Variants in DCAKD observed in about 807,000 individuals in gnomAD.
DCAKD encodes dephospho-CoA kinase domain-containing protein.
In DCAKD, 15 loss-of-function variants were observed where a neutral mutation model predicts 18.7. The ratio of observed to expected loss-of-function variants is 0.80; its 90% CI spans 0.54 to 1.24. The LOEUF (loss-of-function observed/expected upper bound fraction) is 1.24. Ranked by LOEUF, DCAKD falls within the 50% of genes most tolerant of loss-of-function variation. The probability of loss-of-function intolerance (pLI) is 0.00; values close to 1 mark genes in which losing one functional copy is unlikely to be tolerated. For synonymous variants in DCAKD, 130 were observed against 133.0 expected (o/e 0.98, Z 0.16); for missense variants, 301 against 322.0 (o/e 0.93, Z 0.50).
chr17:45,053,935 TC>T (rs1480410172), upstream of DCAKD, among the ~76,000 whole-genome samples: 1 of 152,170 alleles, frequency 6.6e-6, no homozygotes, highest in Non-Finnish European at 1.5e-5. Flanking sequence ...ATTCTCTACT[TC>T]CTTTAAGGTA....
intron 1 of DCAKD, among the ~76,000 whole-genome samples, chr17:45,058,652 C>G (rs999622405): frequency 9.9e-5 from 15 of 150,930 alleles, no homozygotes; most frequent in Admixed American, 7.3e-4. Flanking sequence ...GAACTCCTGA[C>G]CTCAGGTGAT....
At position 45,034,829 on chromosome 17, in the gene DCAKD, C is replaced by G. The variant is rs1405568859; in HGVS notation, c.57G>C (p.Gln19His). 3 of 1,614,234 alleles carry G rather than the reference C, an allele frequency of 1.9e-6. No individual in the cohort carries two copies. Among genetic ancestry groups the G allele is most frequent in the Non-Finnish European group, 2.5e-6 (3 of 1,180,048 alleles). ...GIASGKSSVI[Q>H]VFQQLGCAVI... ...CCGCACAGCCCAGCTGCTGGAACAC[C>G]TGGATCACTGAGCTCTTGCCTGAGG... Residue 19 changes from glutamine (Q) to histidine (H), a missense_variant, in exon 2 of 5, where the codon CAG becomes CAC. Physicochemically the swap from Gln to His is conservative, Grantham distance 24. Transcript: ENST00000651974.
At chr17:45,043,940 C>T (rs4793180) in intron 1 of DCAKD, among the ~76,000 whole-genome samples, 29,112 of 152,022 alleles carry the variant, frequency 0.19, 3,060 homozygotes, top group East Asian at 0.27. Flanking sequence ...AAGGAGCCCC[C>T]GGTGCATGAG....
chr17:45,038,863 G>A (rs1345181131), intron 1 of DCAKD, among the ~76,000 whole-genome samples: 1 of 152,194 alleles, frequency 6.6e-6, no homozygotes, highest in Non-Finnish European at 1.5e-5. Context: ...AGCTGTTCCT[G>A]TCCAACAAGC....
intron 3 of DCAKD, chr17:45,031,582 C>T (rs1208926188): frequency 3.0e-6 from 3 of 985,230 alleles, no homozygotes; most frequent in Admixed American, 6.2e-5. Context: ...CAGTGTGGTG[C>T]GCCTCCCTAA....
intron 1 of DCAKD, among the ~76,000 whole-genome samples, chr17:45,049,361 G>A (rs1205120522): frequency 2.6e-5 from 4 of 152,042 alleles, no homozygotes; most frequent in African/African-American, 9.7e-5. Context: ...AGCTCAGCAG[G>A]TCAAGGGTGC....
intron 3 of DCAKD, 81 bp from the exon 4 acceptor site, chr17:45,030,260 C>T: frequency 2.3e-6 from 3 of 1,313,176 alleles, no homozygotes; most frequent in Non-Finnish European, 3.3e-6. Context: ...CCCCACCGTC[C>T]AGAGCGCCCA....
In DCAKD at chr17:45,026,147, G is replaced by A. The variant is rs564723351; in HGVS notation, c.405-1423C>T. ...TTGGCCAGGCTGGTCTTGAACTCCT[G>A]ACCTCAGGTGATCCACCCGCCTTGG... On this transcript the variant is annotated intron_variant, in intron 4 of 4. Coordinates refer to ENST00000651974, the MANE Select transcript of DCAKD (RefSeq NM_001288655.2). 3.6e-3 allele frequency among the ~76,000 whole-genome samples: 549 copies of A among 151,674 alleles called. 3 individuals are homozygous for A. The highest frequency in any genetic ancestry group is 0.013 in the African/African-American group (533 of 41,348).
intron 4 of DCAKD, among the ~76,000 whole-genome samples, chr17:45,028,858 C>T (rs1156598678): frequency 2.6e-5 from 4 of 151,864 alleles, no homozygotes; most frequent in East Asian, 3.9e-4. Flanking sequence ...GTGCCCGCCA[C>T]AACACCGGGC....
chr17:45,031,564 G>A (rs1488636208), intron 3 of DCAKD: 1 of 985,272 alleles, frequency 1.0e-6, no homozygotes, highest in Admixed American at 6.2e-5. Context: ...GTTGCAGGGG[G>A]AGGCCAACAG....
intron 1 of DCAKD, among the ~76,000 whole-genome samples, chr17:45,047,693 C>T (rs919066025): frequency 1.3e-5 from 2 of 151,958 alleles, no homozygotes; most frequent in Non-Finnish European, 2.9e-5. Context: ...TTAGTACAGA[C>T]GGGGTTTCGG....
intron 4 of DCAKD, among the ~76,000 whole-genome samples, chr17:45,027,188 A>C (rs1262823526): frequency 6.6e-6 from 1 of 152,168 alleles, no homozygotes; most frequent in Non-Finnish European, 1.5e-5. Context: ...AAAAAATAAA[A>C]AAATTAGTCA....
chr17:45,059,194 C>T (rs2053821153), intron 1 of DCAKD, among the ~76,000 whole-genome samples: 1 of 151,986 alleles, frequency 6.6e-6, no homozygotes, highest in Non-Finnish European at 1.5e-5. Flanking sequence ...GAGCCAAAAT[C>T]GCGCCACTGC....
At chr17:45,052,179 C>T (rs2053722130), upstream of DCAKD, among the ~76,000 whole-genome samples, 1 of 151,964 alleles carries the variant, frequency 6.6e-6, no homozygotes, top group Admixed American at 6.6e-5. Context: ...ACCCCCGACC[C>T]GGAGCCATAA....
chr17:45,047,608 G>A (rs1366547940), intron 1 of DCAKD, among the ~76,000 whole-genome samples: 1 of 149,562 alleles, frequency 6.7e-6, no homozygotes, highest in African/African-American at 2.5e-5. Context: ...CGGTTCAAAT[G>A]ATTCTCCTGC....
At chr17:45,058,908 G>A (rs1443100972) in intron 1 of DCAKD, among the ~76,000 whole-genome samples, 1 of 152,082 alleles carries the variant, frequency 6.6e-6, no homozygotes, top group Non-Finnish European at 1.5e-5. Flanking sequence ...CTGCTGCTTT[G>A]GATCATAATT....
chr17:45,032,769 G>A (rs1423462392), intron 3 of DCAKD, among the ~76,000 whole-genome samples: 1 of 143,848 alleles, frequency 7.0e-6, no homozygotes, highest in Admixed American at 7.0e-5. Flanking sequence ...GTGACAGAGC[G>A]AGACTCCATC....
At chr17:45,056,155 CA>C (rs60557987), upstream of DCAKD, among the ~76,000 whole-genome samples, 75,149 of 127,798 alleles carry the variant, frequency 0.59, 20,199 homozygotes, top group African/African-American at 0.66. Context: ...AGCTCCGTCT[CA>C]AAAAAAAAAA....
rs776274210 is a variant in DCAKD, at chr17:45,034,830, T to C, written c.56A>G (p.Gln19Arg). The part of the protein sequence containing the change: ...GIASGKSSVI[Q>R]VFQQLGCAVI... ...CGCACAGCCCAGCTGCTGGAACACCTGGATCACTGAGCTCTTGCCTGAGGC... is the reference window on the plus strand; with the variant it reads ...CGCACAGCCCAGCTGCTGGAACACCCGGATCACTGAGCTCTTGCCTGAGGC... Residue 19 changes from glutamine to arginine, a missense_variant, in exon 2 of 5, where the codon CAG becomes CGG. Physicochemically the swap from Gln to Arg is conservative, Grantham distance 43 (BLOSUM62 1). Coordinates refer to ENST00000651974, the MANE Select transcript of DCAKD (RefSeq NM_001288655.2). 18 of 1,614,182 alleles carry C rather than the reference T, an allele frequency of 1.1e-5. No homozygotes were observed. Among genetic ancestry groups the C allele is most frequent in the Non-Finnish European group, 1.5e-5 (18 of 1,180,020 alleles).
Sources: gnomAD v4.1 joint callset for allele counts (sites outside exome capture counted in the v4.1 genomes callset) on GRCh38, gnomAD v4.1.1 for gene constraint, MANE v1.5 for transcripts, NCBI Gene and HGNC (gene_info 2026-07-23, HGNC 2026-07-21) for gene names.